CAND1: variants seen among roughly 807,000 people sequenced by gnomAD.
CAND1 encodes cullin-associated NEDD8-dissociated protein 1.
A neutral mutation model predicts 108.5 loss-of-function variants in CAND1; 7 were observed. The observed-to-expected ratio is 0.06, with a 90% CI of 0.04 to 0.12. The LOEUF is 0.12. Ranked by LOEUF, CAND1 falls within the 10% of genes least tolerant of loss-of-function variation. The pLI, the probability that CAND1 is intolerant of heterozygous loss-of-function variation, is 1.00. For missense variants in CAND1, 941 were observed against 1,448.7 expected (o/e 0.65, Z 5.69); for synonymous variants, 534 against 512.0 (o/e 1.04, Z -0.58).
chr12:67,312,544 A>T (rs566184998), intron 14 of CAND1, 62 bp from the exon 15 acceptor site: 1 of 1,101,528 alleles, frequency 9.1e-7, no homozygotes, highest in Non-Finnish European at 1.3e-6. Context: ...TATGTGCTTA[A>T]ATTTTGTTCA....
intron 4 of CAND1, 107 bp downstream of exon 4, chr12:67,295,263 A>G: frequency 2.0e-6 from 2 of 1,005,880 alleles, no homozygotes; most frequent in East Asian, 2.9e-5. Flanking sequence ...AATTATTCAT[A>G]TTTAAATGGT....
chr12:67,293,313 C>G (rs1448966325), intron 3 of CAND1: 1 of 152,546 alleles, frequency 6.6e-6, no homozygotes, highest in East Asian at 1.9e-4. Flanking sequence ...AGCTTTTGGC[C>G]TTTGATAGAA....
In CAND1 at chr12:67,282,254, G is replaced by A. The variant is rs924107743; in HGVS notation, c.212+201G>A. On this transcript the variant is annotated intron_variant, in intron 2 of 14. Coordinates refer to ENST00000545606, the MANE Select transcript of CAND1 (RefSeq NM_018448.5). ...CCTTACAGCATATAAGTTACTAAAT[G>A]GTATTTTCTTTTAATTCTTACGAAG... 6.8e-6 allele frequency: 3 copies of A among 443,280 alleles called. No homozygotes were observed. In the Admixed American group the frequency reaches 1.3e-4, roughly 19 times the overall value. 27.5% of individuals were successfully genotyped at this position (443,280 alleles called of 1,614,324 possible). A position where few individuals can be genotyped will look rare whatever the true frequency, so the allele number is the denominator to read the frequency against.
In CAND1 at chr12:67,309,878, TTGCTTTTCTTG is replaced by T. The variant is rs764744564; in HGVS notation, c.3026-21_3026-11del. ...ATTTTAAGTTTATCATGTCTGTCTGTTGCTTTTCTTGTAATATTTCAGGTGATTTCCTAAAA... is the reference window on the plus strand; with the variant it reads ...ATTTTAAGTTTATCATGTCTGTCTGTTAATATTTCAGGTGATTTCCTAAAA... On this transcript the variant is annotated splice_polypyrimidine_tract_variant and intron_variant, in intron 11 of 14. Coordinates refer to ENST00000545606, the MANE Select transcript of CAND1 (RefSeq NM_018448.5). 6.4e-7 allele frequency: 1 copy of T among 1,550,930 alleles called. No individual in the cohort carries two copies. The highest frequency in any genetic ancestry group is 1.2e-5 in the South Asian group (1 of 85,562).
chr12:67,284,705 T>TACACACAC (rs138518839), intron 2 of CAND1, among the ~76,000 whole-genome samples: 3 of 113,166 alleles, frequency 2.7e-5, no homozygotes, highest in African/African-American at 8.7e-5. Context: ...CACATGCATG[T>TACACACAC]ACACACACAC....
chr12:67,269,681 T>G lies in CAND1; in HGVS notation c.-37T>G, dbSNP rs1040392813. ...GGCGGCAGCGGCAGCGGGCAGCAGC[T>G]CCAGCAGCGCCAGCAGGCGGGATCG... On this transcript the variant is annotated 5_prime_UTR_variant, in exon 1 of 15. Coordinates refer to ENST00000545606, the MANE Select transcript of CAND1 (RefSeq NM_018448.5). 1.9e-6 allele frequency: 3 copies of G among 1,573,934 alleles called. No homozygotes were observed. The highest frequency in any genetic ancestry group is 3.5e-5 in the Admixed American group (2 of 57,902).
rs1004498030 is a variant in CAND1, at chr12:67,315,251, G to A, written c.*2421G>A. The stretch of plus-strand genomic sequence containing the variant: ...GGGCGGATCACGAGGTCAGGAGATC[G>A]AGACTATCCTGGCTAACACTGTGAA... On this transcript the variant is annotated 3_prime_UTR_variant, in exon 15 of 15. Transcript: ENST00000545606. The A allele has an allele frequency of 1.3e-5, 2 of 152,292 alleles. No individual in the cohort carries two copies. Among genetic ancestry groups the A allele is most frequent in the East Asian group, 1.9e-4 (1 of 5,196 alleles). 9.4% of individuals were successfully genotyped at this position (152,292 alleles called of 1,614,324 possible).
Position 67,304,668 on chromosome 12 carries a change from T to C in CAND1, c.1357T>C (p.Cys453Arg). Residue 453 changes from cysteine (C) to arginine (R), a missense_variant, in exon 9 of 15, where the codon TGT becomes CGT. Cys to Arg is a radical substitution (Grantham distance 180). Transcript: ENST00000545606. ...AGAAAAAAGTGTGAAGACCCGACAG[T>C]GTTGTTTTAACATGTTAACTGAGCT... ...MKEKSVKTRQCCFNMLTELVN... is the reference protein window; with the variant it reads ...MKEKSVKTRQRCFNMLTELVN... The C allele has an allele frequency of 6.2e-7, 1 of 1,613,926 alleles. No homozygotes were observed. Among genetic ancestry groups the C allele is most frequent in the Non-Finnish European group, 8.5e-7 (1 of 1,179,940 alleles).
chr12:67,311,657 G>A, intron 13 of CAND1, 36 bp from the exon 14 acceptor site: 1 of 1,244,500 alleles, frequency 8.0e-7, no homozygotes. Flanking sequence ...AGAAAATGAT[G>A]TCAAATCTAA....
Position 67,313,259 on chromosome 12 carries a change from T to C in CAND1, c.*429T>C, listed in dbSNP as rs1424137918. 6.5e-6 allele frequency: 1 copy of C among 152,926 alleles called. No homozygotes were observed. Among genetic ancestry groups the C allele is most frequent in the Non-Finnish European group, 1.5e-5 (1 of 68,266 alleles). The allele number at this position is 152,926 out of a possible 1,614,324, so 9.5% of individuals were successfully genotyped here. A position where few individuals can be genotyped will look rare whatever the true frequency, so the allele number is the denominator to read the frequency against. On this transcript the variant is annotated 3_prime_UTR_variant, in exon 15 of 15. Coordinates refer to ENST00000545606, the MANE Select transcript of CAND1 (RefSeq NM_018448.5). Reference sequence around the variant, plus strand: ...AAAAACCATGTTTCTTTTTCTTGTATAACTTTTTGTTTTCAGCAACATAAA... The same window carrying C: ...AAAAACCATGTTTCTTTTTCTTGTACAACTTTTTGTTTTCAGCAACATAAA...
intron 2 of CAND1, among the ~76,000 whole-genome samples, chr12:67,286,773 T>A (rs1468672608): frequency 6.6e-6 from 1 of 152,206 alleles, no homozygotes; most frequent in Non-Finnish European, 1.5e-5. Flanking sequence ...CAAATAAGAT[T>A]TCTGATTTTA....
rs200709593 is a variant in CAND1, at chr12:67,305,778, A to C, written c.2110A>C (p.Ser704Arg). The C allele has an allele frequency of 6.2e-7, 1 of 1,614,184 alleles. No homozygotes were observed. The highest frequency in any genetic ancestry group is 8.5e-7 in the Non-Finnish European group (1 of 1,179,992). The change falls in exon 10 of 15, where the codon AGT becomes CGT. Residue 704 changes from serine to arginine, a missense_variant. Coordinates refer to ENST00000545606, the MANE Select transcript of CAND1 (RefSeq NM_018448.5). The surrounding 1 kb of genome is among the most constrained non-coding windows in gnomAD (Gnocchi z 4.4). ...LDELPPLISE[S>R]DMHVSQMAIS... ...TGAGCTCCCACCTCTTATCAGCGAAAGTGATATGCATGTTTCACAAATGGC... is the reference window on the plus strand; with the variant it reads ...TGAGCTCCCACCTCTTATCAGCGAACGTGATATGCATGTTTCACAAATGGC...
intron 2 of CAND1, among the ~76,000 whole-genome samples, chr12:67,288,839 G>A (rs1186757585): frequency 1.3e-5 from 2 of 152,192 alleles, no homozygotes; most frequent in African/African-American, 2.4e-5. Flanking sequence ...TTGAGAAGAG[G>A]GCTGAGACGT....
intron 8 of CAND1, 32 bp from the exon 9 acceptor site, chr12:67,304,573 T>C (rs746798730): frequency 7.5e-6 from 12 of 1,605,702 alleles, no homozygotes; most frequent in Non-Finnish European, 1.0e-5. Context: ...TACCAACAGC[T>C]GAACCAGCTA....
intron 11 of CAND1, among the ~76,000 whole-genome samples, chr12:67,309,147 T>C (rs1314742763): frequency 6.6e-6 from 1 of 152,006 alleles, no homozygotes; most frequent in Non-Finnish European, 1.5e-5. Context: ...GAAACTGAGG[T>C]TCTTGCCTAA....
chr12:67,297,881 C>A lies in CAND1; in HGVS notation c.854+28C>A. The A allele has an allele frequency of 2.1e-6, 3 of 1,397,172 alleles. No homozygotes were observed. In the South Asian group the frequency reaches 3.7e-5, roughly 17 times the overall value. The allele number at this position is 1,397,172 out of a possible 1,614,324, so 86.5% of individuals were successfully genotyped here. A position where few individuals can be genotyped will look rare whatever the true frequency, so the allele number is the denominator to read the frequency against. ...AAGTTTTTAAGATCTCTATTTTTTA[C>A]AAAAAGTTTTTCCTTAAGAGTAGAA... is the stretch of plus-strand genomic sequence containing the variant. On this transcript the variant is annotated intron_variant, in intron 6 of 14. Transcript: ENST00000545606.
chr12:67,294,940 G>A, intron 3 of CAND1, 93 bp from the exon 4 acceptor site: 1 of 1,315,910 alleles, frequency 7.6e-7, no homozygotes, highest in African/African-American at 1.5e-5. Flanking sequence ...ATGATCAAGT[G>A]TGGAGTTGTT....
intron 7 of CAND1, among the ~76,000 whole-genome samples, chr12:67,300,477 C>T (rs1387101685): frequency 1.3e-5 from 2 of 152,090 alleles, no homozygotes; most frequent in Non-Finnish European, 2.9e-5. Context: ...TCCCACCTAA[C>T]CTGTTCTTCT....
rs1188989919 is a variant in CAND1 at position 67,317,769 on chromosome 12, C to T, written c.*4939C>T. 7 of 152,544 alleles carry T rather than the reference C, an allele frequency of 4.6e-5. No individual in the cohort carries two copies. In the East Asian group the frequency reaches 1.3e-3, roughly 29 times the overall value. 9.4% of individuals were successfully genotyped at this position (152,544 alleles called of 1,614,324 possible). On this transcript the variant is annotated 3_prime_UTR_variant, in exon 15 of 15. Transcript: ENST00000545606. ...AAGTGCTGGGATTACAGGCGTGAGC[C>T]ACGTCCCCCAGCCAGTTTCTTAATC...
Sources: gnomAD v4.1 joint callset for allele counts (sites outside exome capture counted in the v4.1 genomes callset) on GRCh38, gnomAD v4.1.1 for gene constraint, Gnocchi (gnomAD v3.1) non-coding constraint, MANE v1.5 for transcripts, NCBI Gene and HGNC (gene_info 2026-07-23, HGNC 2026-07-21) for gene names.